The following PTPRM variants were observed in gnomAD, a reference collection of about 807,000 sequenced individuals.
The protein encoded by PTPRM is protein tyrosine phosphatase receptor type M.
Under a neutral mutation model 186.7 loss-of-function variants are expected in PTPRM, and 47 were observed. That is an observed-to-expected ratio of 0.25 (90% CI 0.20 to 0.32). The LOEUF (loss-of-function observed/expected upper bound fraction) is 0.32, where lower values mean the gene tolerates loss of function less well. PTPRM is among the 10% of genes least tolerant of loss of function. The pLI, the probability that PTPRM is intolerant of heterozygous loss-of-function variation, is 1.00. For missense variants in PTPRM, 1,494 were observed against 1,865.0 expected (o/e 0.80, Z 3.66); for synonymous variants, 668 against 674.9 (o/e 0.99, Z 0.16).
intron 1 of PTPRM, among the ~76,000 whole-genome samples, chr18:7,617,479 C>G (rs960552197): frequency 6.6e-6 from 1 of 151,984 alleles, no homozygotes; most frequent in Non-Finnish European, 1.5e-5. Flanking sequence ...TCCCCTTTTT[C>G]TTTTATTTCC....
chr18:7,787,782 A>G (rs976102844), intron 2 of PTPRM, among the ~76,000 whole-genome samples: 3 of 152,182 alleles, frequency 2.0e-5, no homozygotes, highest in Non-Finnish European at 2.9e-5. Flanking sequence ...AAATGTTTTG[A>G]AAAATCCGCA....
intron 7 of PTPRM, among the ~76,000 whole-genome samples, chr18:8,033,822 A>G (rs1481988099): frequency 2.6e-5 from 4 of 152,218 alleles, no homozygotes; most frequent in Non-Finnish European, 5.9e-5. Context: ...GAACTTTATA[A>G]CTTAAGGCAA....
chr18:7,589,347 A>G (rs1598470154), intron 1 of PTPRM, among the ~76,000 whole-genome samples: 2 of 152,164 alleles, frequency 1.3e-5, no homozygotes, highest in African/African-American at 4.8e-5. Context: ...CAAATGGGAA[A>G]GGAGAATCTA....
At chr18:8,115,804 G>T (rs1196236397) in intron 13 of PTPRM, among the ~76,000 whole-genome samples, 2 of 152,116 alleles carry the variant, frequency 1.3e-5, no homozygotes, top group Non-Finnish European at 2.9e-5. Flanking sequence ...ATGTACATGT[G>T]CATTTTCAAA....
At chr18:7,949,615 A>G (rs1448565710) in intron 6 of PTPRM, among the ~76,000 whole-genome samples, 1 of 151,884 alleles carries the variant, frequency 6.6e-6, no homozygotes, top group African/African-American at 2.4e-5. Context: ...TGCCAACTCT[A>G]TATACAGAGA....
intron 23 of PTPRM, among the ~76,000 whole-genome samples, chr18:8,356,202 TG>T (rs1424510715): frequency 1.3e-5 from 2 of 151,930 alleles, no homozygotes; most frequent in African/African-American, 4.8e-5. Context: ...AGTGTGGACT[TG>T]ACAGAAGCTT....
chr18:8,267,701 TC>T (rs1450849591), intron 19 of PTPRM, among the ~76,000 whole-genome samples: 1 of 152,182 alleles, frequency 6.6e-6, no homozygotes, highest in African/African-American at 2.4e-5. Flanking sequence ...CATTACATAC[TC>T]CTGTTTTGAC....
At chr18:8,314,730 CT>C (rs1447306343) in intron 20 of PTPRM, 50 bp from the exon 21 acceptor site, 1 of 1,395,612 alleles carries the variant, frequency 7.2e-7, no homozygotes, top group Non-Finnish European at 1.0e-6. Context: ...TCAGAGCCAC[CT>C]ACCAGATTGC....
intron 1 of PTPRM, among the ~76,000 whole-genome samples, chr18:7,581,557 T>G (rs1448885075): frequency 6.6e-6 from 1 of 152,120 alleles, no homozygotes; most frequent in Non-Finnish European, 1.5e-5. Flanking sequence ...ATAAATGCAT[T>G]AAACCTTTTT....
At chr18:8,233,542 G>A (rs1156714056) in intron 14 of PTPRM, among the ~76,000 whole-genome samples, 1 of 152,054 alleles carries the variant, frequency 6.6e-6, no homozygotes, top group Non-Finnish European at 1.5e-5. Context: ...AGAGTTATTT[G>A]AACATTATGG....
chr18:7,590,365 C>A (rs1376266385), intron 1 of PTPRM, among the ~76,000 whole-genome samples: 1 of 152,108 alleles, frequency 6.6e-6, no homozygotes, highest in Non-Finnish European at 1.5e-5. Flanking sequence ...TGGCTGTTCC[C>A]AGGGTGATGG....
intron 5 of PTPRM, among the ~76,000 whole-genome samples, chr18:7,948,058 G>GTC (rs2052664614): frequency 6.6e-6 from 1 of 151,004 alleles, no homozygotes; most frequent in African/African-American, 2.4e-5. Flanking sequence ...TAGCCTTGAG[G>GTC]TCTTTGTCCA....
At chr18:8,313,956 G>A (rs527844730) in intron 20 of PTPRM, among the ~76,000 whole-genome samples, 106 of 152,188 alleles carry the variant, frequency 7.0e-4, no homozygotes, top group African/African-American at 2.5e-3. Flanking sequence ...TTTGAAACCA[G>A]CGTGGGCAAC....
At chr18:7,907,807 G>A (rs140082570) in intron 4 of PTPRM, among the ~76,000 whole-genome samples, 125 of 151,932 alleles carry the variant, frequency 8.2e-4, no homozygotes, top group African/African-American at 2.9e-3. Flanking sequence ...TAATCCCCAA[G>A]GGTTTATAAA....
At chr18:7,984,602 T>TATACACACACAC (rs1214502563) in intron 7 of PTPRM, among the ~76,000 whole-genome samples, 16 of 87,192 alleles carry the variant, frequency 1.8e-4, no homozygotes, top group African/African-American at 7.4e-4. Flanking sequence ...TATATATATA[T>TATACACACACAC]ACACACACAC....
chr18:7,834,759 A>T (rs528695380), intron 2 of PTPRM, among the ~76,000 whole-genome samples: 2 of 151,884 alleles, frequency 1.3e-5, no homozygotes, highest in African/African-American at 4.8e-5. Flanking sequence ...CTTTACTATA[A>T]GGCTTTTTAT....
chr18:8,162,831 C>T (rs1212991559), intron 14 of PTPRM, among the ~76,000 whole-genome samples: 3 of 152,202 alleles, frequency 2.0e-5, no homozygotes, highest in Non-Finnish European at 2.9e-5. Flanking sequence ...TAAACAGTCT[C>T]CAGGGCCCTG....
intron 14 of PTPRM, among the ~76,000 whole-genome samples, chr18:8,238,652 T>TG (rs1491488825): frequency 8.7e-4 from 27 of 31,162 alleles, no homozygotes; most frequent in African/African-American, 2.9e-3. Context: ...GTTTTGTGTG[T>TG]TTTTTTTTTT....
chr18:8,217,087 T>G (rs1319180845), intron 14 of PTPRM, among the ~76,000 whole-genome samples: 1 of 152,238 alleles, frequency 6.6e-6, no homozygotes, highest in East Asian at 1.9e-4. Flanking sequence ...TTAATAATAT[T>G]TACACATACT....
Sources: allele counts gnomAD v4.1 joint callset (sites outside exome capture counted in the v4.1 genomes callset), GRCh38; gene constraint gnomAD v4.1.1; transcripts MANE v1.5; gene names NCBI Gene and HGNC (gene_info 2026-07-23, HGNC 2026-07-21).